The following NBEA variants were observed in gnomAD, a reference collection of about 807,000 sequenced individuals.
The protein encoded by NBEA is lysosomal-trafficking regulator 2.
In NBEA, 44 loss-of-function variants were observed where a neutral mutation model predicts 343.4. The ratio of observed to expected loss-of-function variants is 0.13; its 90% CI spans 0.10 to 0.16. The LOEUF is 0.16. Among genes scored for constraint, NBEA ranks in the 10% least tolerant of loss-of-function variants. The pLI is 1.00. For synonymous variants in NBEA, 1,175 were observed against 1,238.7 expected (o/e 0.95, Z 1.08); for missense variants, 2,555 against 3,631.3 (o/e 0.70, Z 7.62).
chr13:35,133,169 A>G (rs1337353889), intron 17 of NBEA, among the ~76,000 whole-genome samples: 1 of 152,176 alleles, frequency 6.6e-6, no homozygotes, highest in Non-Finnish European at 1.5e-5. Context: ...ATAAATTAGA[A>G]AAAGAAAATC....
chr13:35,058,982 TGTA>T (rs1443561863), intron 8 of NBEA, 119 bp downstream of exon 8: 7 of 840,058 alleles, frequency 8.3e-6, no homozygotes, highest in Admixed American at 3.9e-5. Flanking sequence ...TTTTTTGGAA[TGTA>T]GTCAAGTTTT....
intron 48 of NBEA, among the ~76,000 whole-genome samples, chr13:35,609,986 T>A (rs1261116590): frequency 3.9e-5 from 6 of 152,128 alleles, no homozygotes; most frequent in Non-Finnish European, 7.4e-5. Flanking sequence ...CACTGATGCT[T>A]CCAAATGCAG....
intron 38 of NBEA, among the ~76,000 whole-genome samples, chr13:35,357,970 A>C (rs2040588236): frequency 6.6e-6 from 1 of 152,066 alleles, no homozygotes; most frequent in African/African-American, 2.4e-5. Flanking sequence ...ATCACTCCTT[A>C]ACTTCTAATA....
intron 48 of NBEA, among the ~76,000 whole-genome samples, chr13:35,624,057 TGTG>T (rs2083117814): frequency 2.1e-5 from 1 of 47,848 alleles, no homozygotes; most frequent in Non-Finnish European, 4.5e-5. Context: ...TGTGTGTGGG[TGTG>T]TGTGTGTGTG....
At chr13:35,449,663 G>C (rs866120694) in intron 39 of NBEA, among the ~76,000 whole-genome samples, 1 of 152,106 alleles carries the variant, frequency 6.6e-6, no homozygotes, top group African/African-American at 2.4e-5. Flanking sequence ...TCTTGGGCTG[G>C]CTTTATATCA....
At chr13:35,512,201 C>T (rs1464918264) in intron 41 of NBEA, among the ~76,000 whole-genome samples, 1 of 152,140 alleles carries the variant, frequency 6.6e-6, no homozygotes, top group Non-Finnish European at 1.5e-5. Context: ...AATCGTGAAC[C>T]CATAGCTTCC....
intron 33 of NBEA, among the ~76,000 whole-genome samples, chr13:35,226,241 G>A (rs2074645225): frequency 6.6e-6 from 1 of 152,076 alleles, no homozygotes; most frequent in Admixed American, 6.6e-5. Flanking sequence ...AGGAGCTGGG[G>A]TTTTTCATTT....
chr13:35,479,064 C>T (rs999600091), intron 41 of NBEA, among the ~76,000 whole-genome samples: 1 of 152,194 alleles, frequency 6.6e-6, no homozygotes, highest in African/African-American at 2.4e-5. Context: ...GCAACCAGCG[C>T]CTTTTCACTA....
intron 34 of NBEA, among the ~76,000 whole-genome samples, chr13:35,268,932 A>T (rs563643664): frequency 2.0e-4 from 31 of 152,252 alleles, no homozygotes; most frequent in African/African-American, 7.2e-4. Context: ...ATATTCTTCA[A>T]AAATGAAGGT....
chr13:35,225,493 C>T (rs1346457039), intron 33 of NBEA, among the ~76,000 whole-genome samples: 2 of 152,114 alleles, frequency 1.3e-5, no homozygotes, highest in Admixed American at 6.6e-5. Flanking sequence ...AATTAATTCT[C>T]CCTCCTTTAA....
chr13:35,150,913 T>A (rs1309331437), intron 18 of NBEA, among the ~76,000 whole-genome samples: 1 of 151,008 alleles, frequency 6.6e-6, no homozygotes, highest in Non-Finnish European at 1.5e-5. Flanking sequence ...ATCAGGAGTT[T>A]AAGACCAGCC....
At chr13:35,134,094 A>C (rs1039996547) in intron 17 of NBEA, among the ~76,000 whole-genome samples, 3 of 152,170 alleles carry the variant, frequency 2.0e-5, no homozygotes, top group Admixed American at 6.5e-5. Context: ...TTTGAAAGGA[A>C]TAATTTAAGT....
chr13:35,286,127 A>G (rs1045730642), intron 34 of NBEA, among the ~76,000 whole-genome samples: 1 of 152,014 alleles, frequency 6.6e-6, no homozygotes, highest in African/African-American at 2.4e-5. Context: ...GAACCCCCTA[A>G]GATTCTCTAT....
chr13:35,188,249 AT>A (rs541398659), intron 30 of NBEA, among the ~76,000 whole-genome samples: 15,099 of 141,898 alleles, frequency 0.11, 804 homozygotes, highest in South Asian at 0.16. Flanking sequence ...CTCACGTATC[AT>A]TTTTTTTTTT....
chr13:34,977,018 G>A lies in NBEA; in HGVS notation c.294+33904G>A, dbSNP rs188756914. ...TGCAGTGGTGCAATCTTGGCTCACC[G>A]TAACGTCTGCCTCCCAGGTTCAAGT... is the stretch of plus-strand genomic sequence containing the variant. On this transcript the variant is annotated intron_variant, in intron 1 of 58. Coordinates refer to ENST00000379939, the MANE Select transcript of NBEA (RefSeq NM_001385012.1). 1.6e-4 allele frequency among the ~76,000 whole-genome samples: 24 copies of A among 148,100 alleles called. No individual in the cohort carries two copies. In the East Asian group the frequency reaches 2.8e-3, roughly 17 times the overall value.
At chr13:35,185,504 T>C (rs2071633645) in intron 30 of NBEA, 1 of 152,048 alleles carries the variant, frequency 6.6e-6, no homozygotes, top group African/African-American at 2.4e-5. Flanking sequence ...GACAAACACA[T>C]CTAGCTCTAA....
intron 44 of NBEA, among the ~76,000 whole-genome samples, chr13:35,563,645 TTAAAA>T (rs1192963448): frequency 6.6e-6 from 1 of 151,808 alleles, no homozygotes; most frequent in Non-Finnish European, 1.5e-5. Flanking sequence ...TTTATTAGAA[TTAAAA>T]TAATGCTATA....
chr13:35,385,602 C>G (rs1358386393), intron 38 of NBEA, among the ~76,000 whole-genome samples: 1 of 152,032 alleles, frequency 6.6e-6, no homozygotes, highest in Non-Finnish European at 1.5e-5. Context: ...ACTTGGGAGG[C>G]TGATGCAGGA....
At chr13:35,213,188 T>C (rs2073881684) in intron 33 of NBEA, among the ~76,000 whole-genome samples, 1 of 152,032 alleles carries the variant, frequency 6.6e-6, no homozygotes, top group Non-Finnish European at 1.5e-5. Flanking sequence ...GTAATAGGTA[T>C]ACGAAGATGA....
Sources: allele counts gnomAD v4.1 joint callset (sites outside exome capture counted in the v4.1 genomes callset), GRCh38; gene constraint gnomAD v4.1.1; transcripts MANE v1.5; gene names NCBI Gene and HGNC (gene_info 2026-07-23, HGNC 2026-07-21).